Variants in ANKRD11 observed in about 807,000 individuals in gnomAD.
ANKRD11 encodes ankyrin repeat domain 11.
Under a neutral mutation model 195.7 loss-of-function variants are expected in ANKRD11, and 17 were observed. The ratio of observed to expected loss-of-function variants is 0.09; its 90% CI spans 0.06 to 0.13. ANKRD11 has a LOEUF of 0.13. ANKRD11 is among the 10% of genes least tolerant of loss of function. The pLI, the probability that ANKRD11 is intolerant of heterozygous loss-of-function variation, is 1.00. For missense variants in ANKRD11, 3,735 were observed against 3,566.1 expected, an observed-to-expected ratio of 1.05 and a Z score of -1.21; for synonymous variants, 1,953 against 1,528.1, an observed-to-expected ratio of 1.28 and a Z score of -6.49.
chr16:89,269,953 T>G (rs544324215), intron 12 of ANKRD11: 1 of 152,230 alleles, frequency 6.6e-6, no homozygotes, highest in Non-Finnish European at 1.5e-5. Context: ...GTCTTCCATG[T>G]GTCTTTATGA....
intron 2 of ANKRD11, among the ~76,000 whole-genome samples, chr16:89,399,629 C>G (rs924987685): frequency 1.3e-5 from 2 of 152,158 alleles, no homozygotes; most frequent in African/African-American, 2.4e-5. Flanking sequence ...CTGCACAGCA[C>G]CCGGTGGACC....
At chr16:89,406,640 C>G (rs1167936597) in intron 2 of ANKRD11, among the ~76,000 whole-genome samples, 3 of 152,168 alleles carry the variant, frequency 2.0e-5, no homozygotes, top group Non-Finnish European at 4.4e-5. Flanking sequence ...GGACATCAGA[C>G]ACAGGGTTTT....
chr16:89,417,501 T>C (rs182402835), intron 2 of ANKRD11, among the ~76,000 whole-genome samples: 2 of 152,230 alleles, frequency 1.3e-5, no homozygotes, highest in East Asian at 3.9e-4. Flanking sequence ...CAAAGTCTTT[T>C]TGGAGACTGC....
At chr16:89,384,175 G>A (rs533774534) in intron 2 of ANKRD11, among the ~76,000 whole-genome samples, 8 of 152,272 alleles carry the variant, frequency 5.3e-5, no homozygotes, top group African/African-American at 1.9e-4. Context: ...GAGCTGAGAT[G>A]TGCTCCTGCA....
Position 89,281,069 on chromosome 16 carries a change from T to TGGGAGAGTCGTAGCTGGAGGCAGC in ANKRD11, c.5449_5472dup (p.Ala1817_Pro1824dup), listed in dbSNP as rs776550299. ...GCCCTGTCTTCCATCGAGGGTGGCA[T>TGGGAGAGTCGTAGCTGGAGGCAGC]GGGAGAGTCGTAGCTGGAGGCAGCA... On this transcript the variant is annotated inframe_insertion, in exon 9 of 13. Coordinates refer to ENST00000301030, the MANE Select transcript of ANKRD11 (RefSeq NM_013275.6). The surrounding 1 kb of genome is among the most constrained non-coding windows in gnomAD (Gnocchi z 5.5). 6.2e-7 allele frequency: 1 copy of TGGGAGAGTCGTAGCTGGAGGCAGC among 1,607,784 alleles called. No homozygotes were observed. Among genetic ancestry groups the TGGGAGAGTCGTAGCTGGAGGCAGC allele is most frequent in the South Asian group, 1.1e-5 (1 of 90,794 alleles).
At chr16:89,423,314 C>T (rs904692041) in intron 1 of ANKRD11, among the ~76,000 whole-genome samples, 1 of 152,236 alleles carries the variant, frequency 6.6e-6, no homozygotes, top group Admixed American at 6.5e-5. Context: ...CATCTGCCCC[C>T]GACACTGGCT....
At chr16:89,479,869 G>T (rs1054942813) in intron 1 of ANKRD11, among the ~76,000 whole-genome samples, 5 of 149,988 alleles carry the variant, frequency 3.3e-5, no homozygotes, top group African/African-American at 1.2e-4. Context: ...CATGAACCTG[G>T]GAGTCGGAGC....
chr16:89,459,778 T>TA (rs1265707475), intron 1 of ANKRD11, among the ~76,000 whole-genome samples: 4 of 151,632 alleles, frequency 2.6e-5, no homozygotes, highest in Non-Finnish European at 4.4e-5. Flanking sequence ...CTACAAACAA[T>TA]AAAAAAGTAG....
At chr16:89,426,034 T>C (rs924565327) in intron 1 of ANKRD11, among the ~76,000 whole-genome samples, 3 of 152,090 alleles carry the variant, frequency 2.0e-5, no homozygotes, top group South Asian at 2.1e-4. Context: ...CCTGCCCTGA[T>C]AGGAATCAAA....
intron 2 of ANKRD11, among the ~76,000 whole-genome samples, chr16:89,365,875 A>C (rs1357097494): frequency 2.0e-5 from 3 of 151,852 alleles, no homozygotes; most frequent in Admixed American, 1.3e-4. Flanking sequence ...CCCAACCCTC[A>C]AGCAGACCCC....
chr16:89,393,192 G>A (rs1275347692), intron 2 of ANKRD11, among the ~76,000 whole-genome samples: 1 of 152,138 alleles, frequency 6.6e-6, no homozygotes, highest in African/African-American at 2.4e-5. Context: ...AATACCTTGA[G>A]AGCACGACGC....
intron 2 of ANKRD11, among the ~76,000 whole-genome samples, chr16:89,362,264 G>C (rs1017019158): frequency 6.6e-6 from 1 of 152,194 alleles, no homozygotes; most frequent in Non-Finnish European, 1.5e-5. Context: ...CGGGATCTCA[G>C]CGTAAGCAGC....
intron 2 of ANKRD11, among the ~76,000 whole-genome samples, chr16:89,414,818 G>A (rs930737621): frequency 2.0e-5 from 3 of 152,216 alleles, no homozygotes; most frequent in African/African-American, 7.2e-5. Context: ...GAAGAGCACA[G>A]CACCGTGTAC....
In ANKRD11 at chr16:89,422,852, A is replaced by G. The variant is rs577984274; in HGVS notation, c.-144-4484T>C. ...ACTGACACAACTGTATTAATGTTTAATTCACTCCCACTTTAATCACTTTTT... is the reference window on the plus strand; with the variant it reads ...ACTGACACAACTGTATTAATGTTTAGTTCACTCCCACTTTAATCACTTTTT... On this transcript the variant is annotated intron_variant, in intron 1 of 12. Transcript: ENST00000301030. Among the ~76,000 whole-genome samples, 5 of 152,326 alleles carry G rather than the reference A, an allele frequency of 3.3e-5. No individual in the cohort carries two copies. The East Asian group carries it at 9.6e-4, about 29-fold the overall frequency.
intron 2 of ANKRD11, among the ~76,000 whole-genome samples, chr16:89,404,665 C>T (rs2041836005): frequency 6.6e-6 from 1 of 152,178 alleles, no homozygotes. Context: ...GGGCGAGAAA[C>T]TCTGGATGCC....
At chr16:89,429,824 A>T (rs1416137852) in intron 1 of ANKRD11, among the ~76,000 whole-genome samples, 30 of 42,238 alleles carry the variant, frequency 7.1e-4, no homozygotes, top group East Asian at 1.7e-3. Context: ...TCGCGCTCAG[A>T]CGTTCTAGTA....
At chr16:89,472,390 GA>G (rs1049400021) in intron 1 of ANKRD11, among the ~76,000 whole-genome samples, 2 of 151,634 alleles carry the variant, frequency 1.3e-5, no homozygotes, top group African/African-American at 4.9e-5. Flanking sequence ...GGGGAAGGGA[GA>G]AAAAAAACCG....
In ANKRD11 at chr16:89,280,351, G is replaced by C. The variant is rs926985506; in HGVS notation, c.6191C>G (p.Ser2064Cys). 4.4e-6 allele frequency: 7 copies of C among 1,574,100 alleles called. No homozygotes were observed. The African/African-American group carries it at 9.5e-5, about 21-fold the overall frequency. The part of the protein sequence containing the change: ...APYAPPSGLE[S>C]FFSNCKSLPE... ...AAGTGACTTGCAGTTGCTGAAGAAG[G>C]ACTCCAGCCCGGAGGGAGGGGCGTA... Residue 2064 changes from serine to cysteine, a missense_variant, in exon 9 of 13, where the codon TCC becomes TGC. Coordinates refer to ENST00000301030, the MANE Select transcript of ANKRD11 (RefSeq NM_013275.6).
intron 1 of ANKRD11, among the ~76,000 whole-genome samples, chr16:89,486,698 G>T (rs947219909): frequency 2.6e-5 from 4 of 152,080 alleles, no homozygotes; most frequent in African/African-American, 9.7e-5. Context: ...CACCATTTGG[G>T]ACGTTATCAT....
Sources: gnomAD v4.1 joint callset for allele counts (sites outside exome capture counted in the v4.1 genomes callset) on GRCh38, gnomAD v4.1.1 for gene constraint, Gnocchi (gnomAD v3.1) non-coding constraint, MANE v1.5 for transcripts, NCBI Gene and HGNC (gene_info 2026-07-23, HGNC 2026-07-21) for gene names.